Variants in CNBD1 observed in about 807,000 individuals in gnomAD.
The protein encoded by CNBD1 is cyclic nucleotide-binding domain-containing protein 1.
Under a neutral mutation model 54.4 loss-of-function variants are expected in CNBD1, and 71 were observed. The observed-to-expected ratio is 1.30, with a 90% CI of 1.08 to 1.59. The LOEUF (loss-of-function observed/expected upper bound fraction) is 1.59, where lower values mean the gene tolerates loss of function less well. CNBD1 is among the 40% of genes most tolerant of loss of function. CNBD1 has a pLI of 0.00. For missense variants in CNBD1, 659 were observed against 518.0 expected (o/e 1.27, Z -2.64); for synonymous variants, 182 against 170.7 (o/e 1.07, Z -0.51).
intron 8 of CNBD1, among the ~76,000 whole-genome samples, chr8:87,304,499 G>T (rs182383662): frequency 1.3e-5 from 2 of 151,878 alleles, no homozygotes; most frequent in African/African-American, 4.8e-5. Flanking sequence ...GGTGGGGTGA[G>T]GGGGGAGAGA....
chr8:87,040,697 G>T (rs112593621), intron 4 of CNBD1, among the ~76,000 whole-genome samples: 4,549 of 151,668 alleles, frequency 0.03, 234 homozygotes, highest in African/African-American at 0.1. Context: ...GTGCTGGGAT[G>T]ACAGGCGTGA....
chr8:87,329,090 A>C (rs1809756457), intron 8 of CNBD1, among the ~76,000 whole-genome samples: 1 of 151,394 alleles, frequency 6.6e-6, no homozygotes, highest in Admixed American at 6.6e-5. Context: ...ATTTTGAGTT[A>C]ATTTTTGTGA....
chr8:87,189,379 A>T (rs1163464171), intron 4 of CNBD1, among the ~76,000 whole-genome samples: 7 of 152,140 alleles, frequency 4.6e-5, no homozygotes, highest in Non-Finnish European at 1.0e-4. Flanking sequence ...TTTATGACCC[A>T]ACCCCCCTTT....
At chr8:86,970,294 T>C (rs1808190325) in intron 4 of CNBD1, among the ~76,000 whole-genome samples, 1 of 152,202 alleles carries the variant, frequency 6.6e-6, no homozygotes, top group Non-Finnish European at 1.5e-5. Context: ...AGTAATATGT[T>C]AGCACTTCTA....
At chr8:87,211,631 C>A (rs1304217618) in intron 5 of CNBD1, among the ~76,000 whole-genome samples, 4 of 152,142 alleles carry the variant, frequency 2.6e-5, no homozygotes, top group Non-Finnish European at 5.9e-5. Context: ...CTCTCTCCTG[C>A]TCCTTCTCTC....
chr8:87,327,062 C>G (rs915577103), intron 8 of CNBD1, among the ~76,000 whole-genome samples: 14 of 149,612 alleles, frequency 9.4e-5, no homozygotes, highest in East Asian at 4.0e-4. Flanking sequence ...AATACCCTGC[C>G]GTGTGAGGTG....
At chr8:86,891,129 C>CT (rs1283198275) in intron 2 of CNBD1, among the ~76,000 whole-genome samples, 1 of 151,840 alleles carries the variant, frequency 6.6e-6, no homozygotes, top group Non-Finnish European at 1.5e-5. Context: ...CTTTTGTTGC[C>CT]TGTGCTTTCA....
chr8:86,937,375 C>T (rs1423428571), intron 3 of CNBD1, among the ~76,000 whole-genome samples: 1 of 152,174 alleles, frequency 6.6e-6, no homozygotes, highest in East Asian at 1.9e-4. Flanking sequence ...CCATATCATT[C>T]TGACTCTGGC....
At chr8:87,427,131 CA>C (rs1179252287) in intron 2 of CNBD1, among the ~76,000 whole-genome samples, 1 of 152,004 alleles carries the variant, frequency 6.6e-6, no homozygotes, top group Non-Finnish European at 1.5e-5. Flanking sequence ...AAAGAGCTAG[CA>C]TCCTTCATTC....
At chr8:87,403,154 T>A (rs1449708766) in intron 2 of CNBD1, among the ~76,000 whole-genome samples, 1 of 152,124 alleles carries the variant, frequency 6.6e-6, no homozygotes, top group East Asian at 1.9e-4. Context: ...TTTAATTTTT[T>A]AAAACATCAC....
At chr8:87,421,623 CATAGT>C (rs1216711326) in intron 2 of CNBD1, among the ~76,000 whole-genome samples, 1 of 152,000 alleles carries the variant, frequency 6.6e-6, no homozygotes, top group Non-Finnish European at 1.5e-5. Flanking sequence ...TTTATGGCTG[CATAGT>C]ATTCCACGGT....
At chr8:87,341,126 A>C (rs1810055277) in intron 8 of CNBD1, among the ~76,000 whole-genome samples, 1 of 152,138 alleles carries the variant, frequency 6.6e-6, no homozygotes, top group Non-Finnish European at 1.5e-5. Context: ...TTGTGCTTGT[A>C]AATTTCTAAT....
At chr8:87,280,599 T>A (rs1808582038) in intron 6 of CNBD1, among the ~76,000 whole-genome samples, 1 of 151,490 alleles carries the variant, frequency 6.6e-6, no homozygotes, top group South Asian at 2.1e-4. Context: ...ATTTAATGTG[T>A]AAATGCCTGG....
intron 2 of CNBD1, among the ~76,000 whole-genome samples, chr8:87,401,960 G>T (rs753129791): frequency 2.0e-5 from 3 of 151,910 alleles, no homozygotes; most frequent in Non-Finnish European, 4.4e-5. Flanking sequence ...TTCAAGGAAG[G>T]TGTATTAGTT....
At position 87,155,082 on chromosome 8, in the gene CNBD1, T is replaced by C. The variant is rs115912285; in HGVS notation, c.432-50911T>C. ...CCTGGGTCTGGGAGGGCAATTTTCC[T>C]CTTTTGGGATTCAATATTAAGAGGT... On this transcript the variant is annotated intron_variant, in intron 4 of 10. Transcript: ENST00000518476. Among the ~76,000 whole-genome samples the C allele has an allele frequency of 2.8e-3, 426 of 152,326 alleles. 3 individuals carry two copies. The highest frequency in any genetic ancestry group is 9.6e-3 in the African/African-American group (398 of 41,586).
rs1335227347 is a variant in CNBD1 at position 87,134,710 on chromosome 8, T to C, written c.432-71283T>C. Among the ~76,000 whole-genome samples the C allele has an allele frequency of 6.0e-5, 9 of 150,842 alleles. 1 individual carries two copies. The highest frequency in any genetic ancestry group is 2.0e-4 in the Admixed American group (3 of 15,132). ...CTCCGCCTCCTGGGTTCACACCATT[T>C]TCCTGCCTCAGCCTCCCGAGTAGCT... On this transcript the variant is annotated intron_variant, in intron 4 of 10. Transcript: ENST00000518476.
At chr8:87,288,539 T>C (rs910325284) in intron 8 of CNBD1, among the ~76,000 whole-genome samples, 1 of 152,088 alleles carries the variant, frequency 6.6e-6, no homozygotes. Context: ...TGTTTTAATA[T>C]GTTTGATTAC....
intron 4 of CNBD1, among the ~76,000 whole-genome samples, chr8:87,152,195 T>A (rs902798891): frequency 6.6e-6 from 1 of 151,966 alleles, no homozygotes; most frequent in Non-Finnish European, 1.5e-5. Flanking sequence ...GGGGAGGAAC[T>A]GGAGTTGACT....
Position 87,351,693 on chromosome 8 carries a change from G to A in CNBD1, c.1051G>A (p.Glu351Lys). The A allele has an allele frequency of 6.6e-7, 1 of 1,509,986 alleles. No individual in the cohort carries two copies. Among genetic ancestry groups the A allele is most frequent in the Non-Finnish European group, 8.8e-7 (1 of 1,133,794 alleles). 93.5% of individuals were successfully genotyped at this position (1,509,986 alleles called of 1,614,324 possible). Reference protein sequence around the residue: ...KKFPPGHVIVESGNIISFVGY... With the variant: ...KKFPPGHVIVKSGNIISFVGY... ...ATCTCTCTTCTTTTCAGTGATAGTG[G>A]AAAGTGGAAATATAATTTCTTTTGT... is the stretch of plus-strand genomic sequence containing the variant. Residue 351 changes from glutamate to lysine, a missense_variant, in exon 9 of 11, where the codon GAA becomes AAA. Coordinates refer to ENST00000518476, the MANE Select transcript of CNBD1 (RefSeq NM_173538.3).
Sources: allele counts gnomAD v4.1 joint callset (sites outside exome capture counted in the v4.1 genomes callset), GRCh38; gene constraint gnomAD v4.1.1; transcripts MANE v1.5; gene names NCBI Gene and HGNC (gene_info 2026-07-23, HGNC 2026-07-21).